The following COL28A1 variants were observed in gnomAD, a reference collection of about 807,000 sequenced individuals.
COL28A1 encodes the protein collagen type XXVIII alpha 1 chain, also known as collagen alpha-1(XXVIII) chain.
A neutral mutation model predicts 150.2 loss-of-function variants in COL28A1; 161 were observed. That is an observed-to-expected ratio of 1.07 (90% CI 0.94 to 1.22). The LOEUF (loss-of-function observed/expected upper bound fraction) is 1.22. COL28A1 is among the 50% of genes most tolerant of loss of function. The pLI is 0.00. For missense variants in COL28A1, 1,617 were observed against 1,388.3 expected (o/e 1.16, Z -2.62); for synonymous variants, 552 against 469.7 (o/e 1.18, Z -2.26).
At position 7,532,797 on chromosome 7, in the gene COL28A1, T is replaced by C. The variant is rs1253254645; in HGVS notation, c.79A>G (p.Lys27Glu). ...TSQTVSGQRK[K>E]GPKSNLLARK... Reference sequence around the variant, plus strand: ...GCAAGCAAATTTGATTTTGGTCCTTTCTTTCTTTGTCCGGATACTGTTTGA... The same window carrying C: ...GCAAGCAAATTTGATTTTGGTCCTTCCTTTCTTTGTCCGGATACTGTTTGA... The change falls in exon 2 of 35, where the codon AAA (lysine) becomes GAA (glutamate). Residue 27 changes from lysine (K) to glutamate (E), a missense_variant. Coordinates refer to ENST00000399429, the MANE Select transcript of COL28A1 (RefSeq NM_001037763.3). The C allele has an allele frequency of 2.7e-5, 43 of 1,612,072 alleles. No homozygotes were observed. The highest frequency in any genetic ancestry group is 3.6e-5 in the Non-Finnish European group (43 of 1,179,256).
chr7:7,452,534 G>A, intron 17 of COL28A1, 147 bp from the exon 18 acceptor site: 1 of 1,224,652 alleles, frequency 8.2e-7, no homozygotes, highest in Non-Finnish European at 1.1e-6. Flanking sequence ...TCGGGGGATG[G>A]ATTTGCACCA....
At chr7:7,395,461 A>T (rs1035816314) in intron 27 of COL28A1, among the ~76,000 whole-genome samples, 1 of 152,232 alleles carries the variant, frequency 6.6e-6, no homozygotes, top group African/African-American at 2.4e-5. Flanking sequence ...GCAAAACGAA[A>T]AATGGCTAAC....
chr7:7,538,906 C>A (rs1226527233), upstream of COL28A1, among the ~76,000 whole-genome samples: 1 of 151,514 alleles, frequency 6.6e-6, no homozygotes, highest in Non-Finnish European at 1.5e-5. Flanking sequence ...GACCTTCGTA[C>A]CTGATTTGAA....
intron 14 of COL28A1, 136 bp from the exon 15 acceptor site, chr7:7,474,805 T>C: frequency 3.3e-6 from 2 of 606,584 alleles, no homozygotes; most frequent in East Asian, 2.9e-5. Flanking sequence ...TTACTACAAA[T>C]GGGTAATTCT....
intron 27 of COL28A1, among the ~76,000 whole-genome samples, chr7:7,388,898 C>T (rs538328976): frequency 6.6e-6 from 1 of 152,036 alleles, no homozygotes; most frequent in South Asian, 2.1e-4. Context: ...GGATATTAGC[C>T]CTTTGTCAGA....
At chr7:7,370,102 G>A (rs963363484) in intron 33 of COL28A1, among the ~76,000 whole-genome samples, 3 of 152,142 alleles carry the variant, frequency 2.0e-5, no homozygotes, top group African/African-American at 4.8e-5. Flanking sequence ...TTGCTATGAG[G>A]ACAGTCACAT....
At position 7,406,955 on chromosome 7, in the gene COL28A1, A is replaced by T. The variant is rs190180486; in HGVS notation, c.2136+10904T>A. ...TGGACTGAATTCTTTTTCTAAAATAATATTCTACCTATACAGAATGACTAT... is the reference window on the plus strand; with the variant it reads ...TGGACTGAATTCTTTTTCTAAAATATTATTCTACCTATACAGAATGACTAT... On this transcript the variant is annotated intron_variant, in intron 27 of 34. Transcript: ENST00000399429. 7.9e-5 allele frequency among the ~76,000 whole-genome samples: 12 copies of T among 152,248 alleles called. No individual in the cohort carries two copies. In the East Asian group the frequency reaches 2.3e-3, roughly 29 times the overall value.
At position 7,531,723 on chromosome 7, in the gene COL28A1, G is replaced by T. The variant is rs763092799; in HGVS notation, c.306C>A (p.Val102=). Residue 102 remains valine, a synonymous_variant, in exon 3 of 35, where the codon GTC becomes GTA. Transcript: ENST00000399429. ...KLAALQFSSS[V]QIDPPFSSWK... ...AGGAAGAAAAAGGTGGATCAATTTG[G>T]ACAGAGCTGCTAAACTGAAGGGCTG... 6 of 1,606,008 alleles carry T rather than the reference G, an allele frequency of 3.7e-6. No homozygotes were observed. The highest frequency in any genetic ancestry group is 5.1e-6 in the Non-Finnish European group (6 of 1,172,686).
At chr7:7,415,885 C>T (rs537314783) in intron 27 of COL28A1, among the ~76,000 whole-genome samples, 2 of 152,026 alleles carry the variant, frequency 1.3e-5, no homozygotes, top group Non-Finnish European at 2.9e-5. Flanking sequence ...TTACTGCAGC[C>T]TCTGCCTCCT....
chr7:7,415,278 G>A (rs190319397), intron 27 of COL28A1, among the ~76,000 whole-genome samples: 1 of 152,324 alleles, frequency 6.6e-6, no homozygotes, highest in Admixed American at 6.5e-5. Flanking sequence ...TTGGAAAGGG[G>A]TAGGAAATAA....
chr7:7,411,215 G>A (rs1783773704), intron 27 of COL28A1, among the ~76,000 whole-genome samples: 2 of 152,230 alleles, frequency 1.3e-5, no homozygotes, highest in South Asian at 4.1e-4. Flanking sequence ...AGTTACTGTG[G>A]CACAACTGAG....
intron 18 of COL28A1, among the ~76,000 whole-genome samples, chr7:7,450,054 G>GTAT (rs1786564573): frequency 6.6e-6 from 1 of 151,992 alleles, no homozygotes; most frequent in Admixed American, 6.6e-5. Flanking sequence ...AAGACAAGGA[G>GTAT]GTAATAGCAC....
At chr7:7,425,296 A>C (rs1385894216) in intron 25 of COL28A1, among the ~76,000 whole-genome samples, 2 of 152,172 alleles carry the variant, frequency 1.3e-5, no homozygotes, top group African/African-American at 4.8e-5. Flanking sequence ...GACTGGGACT[A>C]GATGCAAGAC....
chr7:7,479,752 A>G (rs1789238859), intron 13 of COL28A1, among the ~76,000 whole-genome samples: 1 of 152,246 alleles, frequency 6.6e-6, no homozygotes, highest in Admixed American at 6.5e-5. Flanking sequence ...ACATGAGTTA[A>G]GAAAAACACA....
chr7:7,366,621 C>T (rs369190286), intron 33 of COL28A1, among the ~76,000 whole-genome samples: 164 of 152,224 alleles, frequency 1.1e-3, no homozygotes, highest in African/African-American at 3.5e-3. Context: ...GAATGTTTTT[C>T]ACGATCACGG....
chr7:7,487,099 A>G (rs1779666685), intron 13 of COL28A1, among the ~76,000 whole-genome samples: 4 of 152,156 alleles, frequency 2.6e-5, no homozygotes. Context: ...TACCTGGCGG[A>G]GGTTTACCAA....
the COL28A1 span, among the ~76,000 whole-genome samples, chr7:7,343,624 A>ACGTCCATTCCAG: frequency 1.3e-5 from 2 of 152,148 alleles, no homozygotes; most frequent in Non-Finnish European, 2.9e-5. Context: ...ATATGTGAGT[A>ACGTCCATTCCAG]CGTCCATTCC....
At chr7:7,535,376 G>T (rs749901045) in intron 1 of COL28A1, among the ~76,000 whole-genome samples, 1 of 152,010 alleles carries the variant, frequency 6.6e-6, no homozygotes, top group Non-Finnish European at 1.5e-5. Flanking sequence ...TACACAAATA[G>T]AAAATGATTG....
chr7:7,422,366 T>TAAGC (rs1436189649), intron 25 of COL28A1, among the ~76,000 whole-genome samples: 4 of 152,138 alleles, frequency 2.6e-5, no homozygotes. Flanking sequence ...CGCAGTGGCT[T>TAAGC]ACACCTGTAA....
Sources: allele counts gnomAD v4.1 joint callset (sites outside exome capture counted in the v4.1 genomes callset), GRCh38; gene constraint gnomAD v4.1.1; transcripts MANE v1.5; gene names NCBI Gene and HGNC (gene_info 2026-07-23, HGNC 2026-07-21).